IFFO2: variants seen among roughly 807,000 people sequenced by gnomAD.
The protein encoded by IFFO2 is intermediate filament family orphan 2.
A neutral mutation model predicts 53.5 loss-of-function variants in IFFO2; 19 were observed. The observed-to-expected ratio is 0.36, with a 90% CI of 0.25 to 0.52. IFFO2 has a LOEUF of 0.52. Ranked by LOEUF, IFFO2 falls within the 20% of genes least tolerant of loss-of-function variation. The pLI, the probability that IFFO2 is intolerant of heterozygous loss-of-function variation, is 0.94. For synonymous variants in IFFO2, 303 were observed against 313.6 expected, an observed-to-expected ratio of 0.97 and a Z score of 0.36; for missense variants, 570 against 727.4, an observed-to-expected ratio of 0.78 and a Z score of 2.49.
chr1:18,934,082 T>TTA (rs1936415028), intron 1 of IFFO2, among the ~76,000 whole-genome samples: 1 of 142,054 alleles, frequency 7.0e-6, no homozygotes, highest in Non-Finnish European at 1.5e-5. Context: ...TTTTTTTTTT[T>TTA]TTGAGACAGC....
chr1:18,925,753 A>C (rs1466622706), intron 1 of IFFO2, among the ~76,000 whole-genome samples: 1 of 151,156 alleles, frequency 6.6e-6, no homozygotes, highest in Non-Finnish European at 1.5e-5. Flanking sequence ...TATCGAATGG[A>C]TTGGTTGGAT....
At chr1:18,913,449 G>A (rs1199296964) in intron 5 of IFFO2, among the ~76,000 whole-genome samples, 1 of 152,262 alleles carries the variant, frequency 6.6e-6, no homozygotes, top group East Asian at 1.9e-4. Flanking sequence ...AGCTGGAAAG[G>A]ACAGAAAGAC....
Position 18,916,997 on chromosome 1 carries a change from T to A in IFFO2, c.1009A>T (p.Ile337Phe). Reference sequence around the variant, plus strand: ...TTCACCTCCCCGTCCTGCTCAGAGATGTCATCATCGGAAGCCACCTTACGC... The same window carrying A: ...TTCACCTCCCCGTCCTGCTCAGAGAAGTCATCATCGGAAGCCACCTTACGC... ...KERKVASDDD[I>F]SEQDGEVNRF... The change falls in exon 5 of 9, where the codon ATC (isoleucine) becomes TTC (phenylalanine). Residue 337 changes from isoleucine to phenylalanine, a missense_variant. Ile to Phe is a conservative substitution (Grantham distance 21, BLOSUM62 0). Coordinates refer to ENST00000455833, the MANE Select transcript of IFFO2 (RefSeq NM_001136265.2). The surrounding 1 kb of genome is among the most constrained non-coding windows in gnomAD (Gnocchi z 4.3). The A allele has an allele frequency of 6.4e-7, 1 of 1,552,190 alleles. No individual in the cohort carries two copies. Among genetic ancestry groups the A allele is most frequent in the Non-Finnish European group, 8.7e-7 (1 of 1,147,090 alleles).
intron 1 of IFFO2, among the ~76,000 whole-genome samples, chr1:18,935,212 A>C (rs531399109): frequency 6.6e-6 from 1 of 152,166 alleles, no homozygotes; most frequent in Non-Finnish European, 1.5e-5. Flanking sequence ...TCCGCTATAA[A>C]TACTGTTCTT....
intron 1 of IFFO2, among the ~76,000 whole-genome samples, chr1:18,946,522 C>T (rs1483077022): frequency 6.8e-6 from 1 of 147,106 alleles, no homozygotes; most frequent in Non-Finnish European, 1.5e-5. Context: ...TCAAGCCATT[C>T]TCCTGCCTCA....
rs903102183 is a variant in IFFO2 at position 18,951,537 on chromosome 1, G to A, written c.665+4131C>T. Among the ~76,000 whole-genome samples the A allele has an allele frequency of 3.3e-5, 5 of 152,198 alleles. No homozygotes were observed. In the South Asian group the frequency reaches 8.3e-4, roughly 25 times the overall value. On this transcript the variant is annotated intron_variant, in intron 1 of 8. Coordinates refer to ENST00000455833, the MANE Select transcript of IFFO2 (RefSeq NM_001136265.2). ...ACAGGCTTCTGGACAGGGACACCAG[G>A]CCCCCAAAAGAGTCGCCCTGTCTGA...
chr1:18,936,335 C>T lies in IFFO2; in HGVS notation c.666-15214G>A, dbSNP rs1936446776. On this transcript the variant is annotated intron_variant, in intron 1 of 8. Coordinates refer to ENST00000455833, the MANE Select transcript of IFFO2 (RefSeq NM_001136265.2). The surrounding 1 kb of genome is among the most constrained non-coding windows in gnomAD (Gnocchi z 4.5). ...CAGATGATGGGAAAGTTGGTGTCCA[C>T]GGCTCTCCATCCCTGGGACATTGTC... Among the ~76,000 whole-genome samples, 1 of 152,172 alleles carries T rather than the reference C, an allele frequency of 6.6e-6. No individual in the cohort carries two copies. The highest frequency in any genetic ancestry group is 6.5e-5 in the Admixed American group (1 of 15,274).
chr1:18,937,579 G>C (rs1185008975), intron 1 of IFFO2, among the ~76,000 whole-genome samples: 1 of 152,192 alleles, frequency 6.6e-6, no homozygotes, highest in Non-Finnish European at 1.5e-5. Flanking sequence ...GAATGAAATG[G>C]AGCAAAGCCT....
At position 18,928,095 on chromosome 1, in the gene IFFO2, C is replaced by T. The variant is rs1208800452; in HGVS notation, c.666-6974G>A. The stretch of plus-strand genomic sequence containing the variant: ...TGCCTTGCCTCCTGACTTTCTCTCC[C>T]ACATGGCACGCTGCAAGCCCGTCTT... On this transcript the variant is annotated intron_variant, in intron 1 of 8. Transcript: ENST00000455833. The surrounding 1 kb of genome is among the most constrained non-coding windows in gnomAD (Gnocchi z 4.9). Among the ~76,000 whole-genome samples the T allele has an allele frequency of 2.0e-5, 3 of 152,188 alleles. No homozygotes were observed. The highest frequency in any genetic ancestry group is 4.4e-5 in the Non-Finnish European group (3 of 68,020).
chr1:18,908,470 C>T lies in IFFO2; in HGVS notation c.*91G>A, dbSNP rs1294104442. On this transcript the variant is annotated 3_prime_UTR_variant, in exon 9 of 9. Coordinates refer to ENST00000455833, the MANE Select transcript of IFFO2 (RefSeq NM_001136265.2). ...AGAGAAAGTCTGTGTGGTGTGGCTT[C>T]GAACCCCACTCCGAGGGGCCTTCCT... is the stretch of plus-strand genomic sequence containing the variant. 2.1e-5 allele frequency: 19 copies of T among 911,852 alleles called. No individual in the cohort carries two copies. Among genetic ancestry groups the T allele is most frequent in the South Asian group, 2.8e-5 (2 of 70,564 alleles). 56.5% of individuals were successfully genotyped at this position (911,852 alleles called of 1,614,324 possible).
At chr1:18,922,025 G>A (rs1195566700) in intron 1 of IFFO2, among the ~76,000 whole-genome samples, 1 of 152,094 alleles carries the variant, frequency 6.6e-6, no homozygotes, top group Non-Finnish European at 1.5e-5. Context: ...TTCAATCCTC[G>A]TAACAACCTA....
At chr1:18,934,836 C>T (rs1936424294) in intron 1 of IFFO2, among the ~76,000 whole-genome samples, 1 of 152,236 alleles carries the variant, frequency 6.6e-6, no homozygotes, top group Non-Finnish European at 1.5e-5. Context: ...CAGCAGGTGG[C>T]TGCAGGGCCA....
intron 6 of IFFO2, 31 bp from the exon 7 acceptor site, chr1:18,911,507 T>TTTTATATATTTA (rs547234948): frequency 1.7e-5 from 9 of 527,896 alleles, no homozygotes; most frequent in Non-Finnish European, 2.6e-5. Flanking sequence ...GGACAGTTTA[T>TTTTATATATTTA]TTTATTTATT....
In IFFO2 at chr1:18,955,122, A is replaced by G. The variant is rs139453049; in HGVS notation, c.665+546T>C. Among the ~76,000 whole-genome samples the G allele has an allele frequency of 5.0e-4, 76 of 152,324 alleles. 2 individuals are homozygous for G. In the East Asian group the frequency reaches 0.013, roughly 26 times the overall value. On this transcript the variant is annotated intron_variant, in intron 1 of 8. Transcript: ENST00000455833. ...GTGATCTCATTTAATTCAAGAAATA[A>G]AAAGGCAGTGGGTTGGTTAGAGTTT... is the stretch of plus-strand genomic sequence containing the variant.
intron 1 of IFFO2, among the ~76,000 whole-genome samples, chr1:18,937,940 C>T (rs975864978): frequency 6.6e-6 from 1 of 152,262 alleles, no homozygotes; most frequent in Non-Finnish European, 1.5e-5. Flanking sequence ...CAACTCCAAC[C>T]CAGCGGGGGC....
chr1:18,914,654 TAAAAAAATACAA>T (rs1936104282), intron 5 of IFFO2, among the ~76,000 whole-genome samples: 1 of 149,978 alleles, frequency 6.7e-6, no homozygotes, highest in African/African-American at 2.4e-5. Flanking sequence ...CAGTCTCTAC[TAAAAAAATACAA>T]AAAAAAATTA....
Position 18,908,484 on chromosome 1 carries a change from A to G in IFFO2, c.*77T>C. 9.3e-7 allele frequency: 1 copy of G among 1,078,890 alleles called. No homozygotes were observed. Among genetic ancestry groups the G allele is most frequent in the Non-Finnish European group, 1.4e-6 (1 of 718,078 alleles). The allele number at this position is 1,078,890 out of a possible 1,614,324, so 66.8% of individuals were successfully genotyped here. ...TGGTGTGGCTTCGAACCCCACTCCG[A>G]GGGGCCTTCCTGGCCCCATGAGGAG... is the stretch of plus-strand genomic sequence containing the variant. On this transcript the variant is annotated 3_prime_UTR_variant, in exon 9 of 9. Transcript: ENST00000455833.
intron 1 of IFFO2, among the ~76,000 whole-genome samples, chr1:18,950,499 C>T (rs913607214): frequency 2.0e-5 from 3 of 152,204 alleles, no homozygotes; most frequent in Admixed American, 1.3e-4. Context: ...GGGAGCTCCA[C>T]GGGCAGCTCA....
chr1:18,917,822 C>T lies in IFFO2; in HGVS notation c.963+540G>A, dbSNP rs1280227906. Among the ~76,000 whole-genome samples the T allele has an allele frequency of 6.6e-6, 1 of 152,224 alleles. No individual in the cohort carries two copies. The highest frequency in any genetic ancestry group is 1.5e-5 in the Non-Finnish European group (1 of 68,040). The stretch of plus-strand genomic sequence containing the variant: ...CTGATCGCCGTCTCTCGGGGGCACC[C>T]ACACTTGCACGTTAGGTCGGGGGGG... On this transcript the variant is annotated intron_variant, in intron 4 of 8. Transcript: ENST00000455833. This position sits in a 1 kb window ranked among gnomAD's most constrained non-coding sequence, Gnocchi z 5.9.
Sources: allele counts gnomAD v4.1 joint callset (sites outside exome capture counted in the v4.1 genomes callset), GRCh38; gene constraint gnomAD v4.1.1; non-coding constraint Gnocchi (gnomAD v3.1); transcripts MANE v1.5; gene names NCBI Gene and HGNC (gene_info 2026-07-23, HGNC 2026-07-21).